The following PIK3C2G variants were observed in gnomAD, a reference collection of about 807,000 sequenced individuals.
PIK3C2G encodes phosphatidylinositol 3-kinase C2 domain-containing subunit gamma.
PIK3C2G carries 168 observed loss-of-function variants against 181.1 expected under a neutral mutation model. That is an observed-to-expected ratio of 0.93 (90% CI 0.82 to 1.05). The LOEUF (loss-of-function observed/expected upper bound fraction) is 1.05, where lower values mean the gene tolerates loss of function less well. Among genes scored for constraint, PIK3C2G ranks in the 50% least tolerant of loss-of-function variants. The pLI is 0.00. For synonymous variants in PIK3C2G, 573 were observed against 592.2 expected (o/e 0.97, Z 0.47); for missense variants, 1,869 against 1,732.8 (o/e 1.08, Z -1.40).
intron 26 of PIK3C2G, among the ~76,000 whole-genome samples, 180 bp downstream of exon 26, chr12:18,546,612 T>C (rs1944443317): frequency 6.6e-6 from 1 of 152,158 alleles, no homozygotes; most frequent in African/African-American, 2.4e-5. Context: ...GCAGAAGGCC[T>C]TAGTCAGTGT....
chr12:18,689,352 C>T, the PIK3C2G span, among the ~76,000 whole-genome samples: 1 of 152,164 alleles, frequency 6.6e-6, no homozygotes, highest in East Asian at 1.9e-4. Context: ...GCAAGCTTGT[C>T]CAACCTGCGG....
intron 16 of PIK3C2G, among the ~76,000 whole-genome samples, chr12:18,420,360 C>A (rs753540426): frequency 6.6e-6 from 1 of 152,028 alleles, no homozygotes; most frequent in Non-Finnish European, 1.5e-5. Flanking sequence ...TATTAAGTGC[C>A]TAATGGGTGC....
chr12:18,376,696 C>T (rs370876376), intron 13 of PIK3C2G, among the ~76,000 whole-genome samples: 11 of 152,210 alleles, frequency 7.2e-5, no homozygotes, highest in Non-Finnish European at 1.2e-4. Context: ...AGGTAGGACA[C>T]GGTGGGAGAT....
At chr12:18,444,409 T>A (rs1946915522) in intron 18 of PIK3C2G, among the ~76,000 whole-genome samples, 3 of 152,196 alleles carry the variant, frequency 2.0e-5, no homozygotes, top group African/African-American at 7.2e-5. Flanking sequence ...TTCTCACACT[T>A]AGCCTAATAT....
intron 18 of PIK3C2G, among the ~76,000 whole-genome samples, chr12:18,477,449 T>C (rs1939116640): frequency 6.6e-6 from 1 of 152,002 alleles, no homozygotes; most frequent in Admixed American, 6.6e-5. Flanking sequence ...TGAACAACAA[T>C]AGCAACAACA....
chr12:18,611,982 C>T (rs1423184633), intron 31 of PIK3C2G, among the ~76,000 whole-genome samples: 1 of 152,078 alleles, frequency 6.6e-6, no homozygotes, highest in Non-Finnish European at 1.5e-5. Context: ...TCATTCCTCT[C>T]TTCATATCCC....
intron 15 of PIK3C2G, among the ~76,000 whole-genome samples, chr12:18,397,829 C>A (rs1943988266): frequency 1.3e-5 from 2 of 151,952 alleles, no homozygotes; most frequent in South Asian, 2.1e-4. Flanking sequence ...ATGATCACAG[C>A]ACCTTTATTC....
At chr12:18,525,431 A>G (rs1943171943) in intron 24 of PIK3C2G, among the ~76,000 whole-genome samples, 1 of 152,122 alleles carries the variant, frequency 6.6e-6, no homozygotes, top group African/African-American at 2.4e-5. Context: ...CATAAATTGA[A>G]CTATTAGTCA....
chr12:18,724,839 G>A, the PIK3C2G span, among the ~76,000 whole-genome samples: 2 of 151,982 alleles, frequency 1.3e-5, no homozygotes, highest in African/African-American at 2.4e-5. Flanking sequence ...TTTGGTTATA[G>A]AAAATTATGT....
rs904213256 is a variant in PIK3C2G at position 18,546,544 on chromosome 12, T to C, written c.3590+112T>C. ...GTCATTGGTATGAAGCTGTTGTTTC[T>C]AGAACAAGCTTGTGTTCCCTTTCCC... On this transcript the variant is annotated intron_variant, in intron 26 of 32. Transcript: ENST00000538779. The C allele has an allele frequency of 2.3e-5, 15 of 658,212 alleles. 1 individual carries two copies. The Admixed American group carries it at 3.6e-4, about 16-fold the overall frequency. 40.8% of individuals were successfully genotyped at this position (658,212 alleles called of 1,614,324 possible).
rs560569291 is a variant in PIK3C2G, at chr12:18,485,597, G to C, written c.2505-2852G>C. On this transcript the variant is annotated intron_variant, in intron 18 of 32. Transcript: ENST00000538779. ...TACACTTTATAAAGCATTAAGGCATGTGTACAAAATAATACCAAATTGAAT... is the reference window on the plus strand; with the variant it reads ...TACACTTTATAAAGCATTAAGGCATCTGTACAAAATAATACCAAATTGAAT... Among the ~76,000 whole-genome samples, 133 of 152,084 alleles carry C rather than the reference G, an allele frequency of 8.7e-4. 3 individuals carry two copies. Among genetic ancestry groups the C allele is most frequent in the Non-Finnish European group, 2.1e-4 (14 of 68,000 alleles).
At chr12:18,567,078 C>A (rs759081304) in intron 29 of PIK3C2G, 21 bp downstream of exon 29, 3 of 1,083,944 alleles carry the variant, frequency 2.8e-6, no homozygotes, top group South Asian at 2.8e-5. Context: ...ATTAATTTTT[C>A]TATTTTTACA....
intron 26 of PIK3C2G, among the ~76,000 whole-genome samples, chr12:18,558,917 G>A (rs190518183): frequency 8.1e-4 from 123 of 152,152 alleles, no homozygotes; most frequent in Middle Eastern, 6.8e-3. Context: ...CTAAAAGGGC[G>A]AAAAACTTCC....
intron 14 of PIK3C2G, among the ~76,000 whole-genome samples, chr12:18,390,378 T>C (rs969913604): frequency 1.3e-5 from 2 of 152,154 alleles, no homozygotes; most frequent in Admixed American, 1.3e-4. Context: ...GTGATAACCT[T>C]AAGCAAACCT....
chr12:18,436,704 A>G (rs898165765), intron 18 of PIK3C2G, among the ~76,000 whole-genome samples: 1 of 152,014 alleles, frequency 6.6e-6, no homozygotes. Flanking sequence ...AAGTCATATT[A>G]CAAAAGATGT....
At chr12:18,361,171 T>A (rs1384740574) in intron 11 of PIK3C2G, among the ~76,000 whole-genome samples, 2 of 152,184 alleles carry the variant, frequency 1.3e-5, no homozygotes, top group African/African-American at 4.8e-5. Flanking sequence ...GATTATCTCC[T>A]CTGCTTTATC....
intron 18 of PIK3C2G, among the ~76,000 whole-genome samples, chr12:18,469,836 C>G (rs998093832): frequency 4.7e-5 from 7 of 150,260 alleles, no homozygotes; most frequent in African/African-American, 1.7e-4. Context: ...ATATCAGCAC[C>G]CTCTTATTAC....
chr12:18,481,401 A>G (rs1255197364), intron 18 of PIK3C2G, among the ~76,000 whole-genome samples: 8 of 152,176 alleles, frequency 5.3e-5, no homozygotes, highest in African/African-American at 1.9e-4. Flanking sequence ...TATCTGCTCA[A>G]CATAGTTTTT....
the PIK3C2G span, among the ~76,000 whole-genome samples, chr12:18,713,996 C>A: frequency 7.1e-3 from 1,085 of 152,206 alleles, 11 homozygotes; most frequent in African/African-American, 0.025. Flanking sequence ...TCAGTGGAAG[C>A]TGATTGCATT....
Sources: allele counts gnomAD v4.1 joint callset (sites outside exome capture counted in the v4.1 genomes callset), GRCh38; gene constraint gnomAD v4.1.1; transcripts MANE v1.5; gene names NCBI Gene and HGNC (gene_info 2026-07-23, HGNC 2026-07-21).